CLCN4: variants seen among roughly 807,000 people sequenced by gnomAD.
The protein encoded by CLCN4 is H(+)/Cl(-) exchange transporter 4.
CLCN4 carries 1 observed loss-of-function variant against 41.7 expected under a neutral mutation model. The observed-to-expected ratio is 0.02, with a 90% CI of 0.01 to 0.11. The LOEUF is 0.11. CLCN4 is among the 10% of genes least tolerant of loss of function. CLCN4 has a pLI of 1.00. For synonymous variants in CLCN4, 277 were observed against 285.8 expected (o/e 0.97, Z 0.31); for missense variants, 287 against 661.0 (o/e 0.43, Z 6.20).
Position 10,233,439 on chromosome X carries a change from G to A in CLCN4, c.2193-55G>A, listed in dbSNP as rs1002054596. ...AAAAGGCACTGGGGTTTAGGGAGAG[G>A]GATGAGTCGTCGTTTCAAGGCTGAC... On this transcript the variant is annotated intron_variant, in intron 12 of 12. Transcript: ENST00000380833. The A allele has an allele frequency of 3.4e-6, 3 of 873,281 alleles. No individual in the cohort carries two copies. The African/African-American group carries it at 5.9e-5, about 17-fold the overall frequency. 72.0% of individuals were successfully genotyped at this position (873,281 alleles called of 1,213,427 possible).
intron 6 of CLCN4, among the ~76,000 whole-genome samples, chrX:10,199,532 G>A (rs974233589): frequency 2.7e-5 from 3 of 111,323 alleles, no homozygotes; most frequent in African/African-American, 9.8e-5. Flanking sequence ...GCGTAGATGG[G>A]TGTGGCACCC....
Position 10,187,673 on chromosome X carries a change from C to T in CLCN4, c.244+59C>T. 4 of 891,776 alleles carry T rather than the reference C, an allele frequency of 4.5e-6. No homozygotes were observed. The Admixed American group carries it at 6.6e-5, about 15-fold the overall frequency. 73.5% of individuals were successfully genotyped at this position (891,776 alleles called of 1,213,427 possible). A position where few individuals can be genotyped will look rare whatever the true frequency, so the allele number is the denominator to read the frequency against. ...AGCTGCAGAGGCCGAAACCTCAAAA[C>T]ACGAACCCTCTGGGAGATTTGGAAT... On this transcript the variant is annotated intron_variant, in intron 4 of 12. Coordinates refer to ENST00000380833, the MANE Select transcript of CLCN4 (RefSeq NM_001830.4).
At chrX:10,166,064 G>A (rs1366085310) in intron 2 of CLCN4, among the ~76,000 whole-genome samples, 1 of 112,089 alleles carries the variant, frequency 8.9e-6, no homozygotes, top group Admixed American at 9.4e-5. Context: ...GAGAAAACCT[G>A]TCAGAAAATG....
intron 2 of CLCN4, among the ~76,000 whole-genome samples, chrX:10,184,730 A>G (rs1214810538): frequency 8.9e-6 from 1 of 111,884 alleles, no homozygotes; most frequent in Non-Finnish European, 1.9e-5. Flanking sequence ...TATATAAACA[A>G]GGTACATCTT....
chrX:10,233,080 T>A (rs1232659171), intron 12 of CLCN4, among the ~76,000 whole-genome samples: 1 of 112,289 alleles, frequency 8.9e-6, no homozygotes, highest in African/African-American at 3.2e-5. Flanking sequence ...GTAGTCATCA[T>A]AGGTTTACTG....
intron 12 of CLCN4, among the ~76,000 whole-genome samples, chrX:10,230,451 G>T (rs892340022): frequency 1.8e-5 from 2 of 112,103 alleles, no homozygotes; most frequent in African/African-American, 3.2e-5. Context: ...TTGATTGATT[G>T]CAATGGGCCC....
At chrX:10,172,650 T>C (rs1923411093) in intron 2 of CLCN4, among the ~76,000 whole-genome samples, 1 of 98,711 alleles carries the variant, frequency 1.0e-5, no homozygotes, top group African/African-American at 3.8e-5. Flanking sequence ...TGTTTGTGTG[T>C]GTGTGTGTAT....
rs987911513 is a variant in CLCN4 at position 10,196,371 on chromosome X, A to G, written c.432+1273A>G. Reference sequence around the variant, plus strand: ...TCAGGAAAGAGTTAACTTCTAACCCATTTCAGTGGTTACCACCATGACTAT... The same window carrying G: ...TCAGGAAAGAGTTAACTTCTAACCCGTTTCAGTGGTTACCACCATGACTAT... On this transcript the variant is annotated intron_variant, in intron 5 of 12. Coordinates refer to ENST00000380833, the MANE Select transcript of CLCN4 (RefSeq NM_001830.4). Among the ~76,000 whole-genome samples, 4 of 111,715 alleles carry G rather than the reference A, an allele frequency of 3.6e-5. No homozygotes were observed. In the South Asian group the frequency reaches 1.5e-3, roughly 41 times the overall value.
At chrX:10,223,022 A>G (rs747194076) in intron 12 of CLCN4, among the ~76,000 whole-genome samples, 91 of 111,245 alleles carry the variant, frequency 8.2e-4, no homozygotes, top group Middle Eastern at 4.6e-3. Context: ...GGAGGATTAA[A>G]CCTCCAGGTT....
intron 2 of CLCN4, among the ~76,000 whole-genome samples, chrX:10,169,791 C>CTT (rs768158943): frequency 1.4e-4 from 8 of 58,545 alleles, no homozygotes; most frequent in African/African-American, 5.2e-4. Context: ...CTTTTCTTTT[C>CTT]TTTTTTTTTT....
intron 1 of CLCN4, among the ~76,000 whole-genome samples, chrX:10,157,578 AC>A (rs1922984316): frequency 8.9e-6 from 1 of 112,971 alleles, no homozygotes; most frequent in South Asian, 3.6e-4. Flanking sequence ...AGTTTGAAAT[AC>A]GCTATTTCAA....
chrX:10,178,662 A>G (rs1300515606), intron 2 of CLCN4, among the ~76,000 whole-genome samples: 1 of 111,161 alleles, frequency 9.0e-6, no homozygotes, highest in Non-Finnish European at 1.9e-5. Context: ...CTTCGCCCCC[A>G]TTTTCCTGAT....
At chrX:10,182,049 G>A (rs947571383) in intron 2 of CLCN4, among the ~76,000 whole-genome samples, 1 of 111,471 alleles carries the variant, frequency 9.0e-6, no homozygotes, top group African/African-American at 3.3e-5. Context: ...AGTTCCTTTG[G>A]AGGCAAATAA....
chrX:10,159,810 G>C (rs769983074), intron 2 of CLCN4, among the ~76,000 whole-genome samples: 1 of 111,231 alleles, frequency 9.0e-6, no homozygotes, highest in African/African-American at 3.3e-5. Flanking sequence ...TTCTCCTCCA[G>C]CCCAACCCTA....
chrX:10,166,079 A>C (rs981993852), intron 2 of CLCN4, among the ~76,000 whole-genome samples: 6 of 112,116 alleles, frequency 5.4e-5, no homozygotes, highest in Admixed American at 2.8e-4. Context: ...AAAATGGTGA[A>C]GGGAAGGCCA....
At chrX:10,188,609 T>C (rs1261012336) in intron 4 of CLCN4, among the ~76,000 whole-genome samples, 1 of 112,627 alleles carries the variant, frequency 8.9e-6, no homozygotes, top group Non-Finnish European at 1.9e-5. Flanking sequence ...TGAAGGTTAA[T>C]GTCTAAGAAT....
intron 2 of CLCN4, among the ~76,000 whole-genome samples, chrX:10,174,570 A>G (rs1376564059): frequency 8.9e-6 from 1 of 112,374 alleles, no homozygotes; most frequent in Non-Finnish European, 1.9e-5. Flanking sequence ...TTGTTAGCCC[A>G]TATTGCAGGT....
chrX:10,187,637 C>T (rs1376068252), intron 4 of CLCN4, 23 bp downstream of exon 4: 2 of 1,135,204 alleles, frequency 1.8e-6, no homozygotes, highest in African/African-American at 3.6e-5. Context: ...GCATGCGGCA[C>T]TCCCGTGGGA....
At chrX:10,200,042 C>T (rs746985660) in intron 6 of CLCN4, among the ~76,000 whole-genome samples, 2 of 112,055 alleles carry the variant, frequency 1.8e-5, no homozygotes, top group African/African-American at 3.2e-5. Context: ...TGAGCCGCCA[C>T]GCCTGGCCTT....
Sources: gnomAD v4.1 joint callset for allele counts (sites outside exome capture counted in the v4.1 genomes callset) on GRCh38, gnomAD v4.1.1 for gene constraint, MANE v1.5 for transcripts, NCBI Gene and HGNC (gene_info 2026-07-23, HGNC 2026-07-21) for gene names.